SBF1: variants seen among roughly 807,000 people sequenced by gnomAD.
SBF1 encodes SET binding factor 1, also known as myotubularin-related protein 5.
Under a neutral mutation model 215.8 loss-of-function variants are expected in SBF1, and 65 were observed. The observed-to-expected ratio is 0.30, with a 90% confidence interval of 0.25 to 0.37. The LOEUF is 0.37. SBF1 is among the 10% of genes least tolerant of loss of function. The probability of loss-of-function intolerance (pLI) is 1.00; values close to 1 mark genes in which losing one functional copy is unlikely to be tolerated. For missense variants in SBF1, 2,634 were observed against 2,667.8 expected (o/e 0.99, Z 0.28); for synonymous variants, 1,410 against 1,122.8 (o/e 1.26, Z -5.11).
chr22:50,454,210 C>A (rs1459150932), intron 36 of SBF1, among the ~76,000 whole-genome samples: 3 of 152,204 alleles, frequency 2.0e-5, no homozygotes, highest in Non-Finnish European at 2.9e-5. Context: ...CTGCTCAAAG[C>A]CAGGTCAGGG....
At chr22:50,474,646 C>T (rs2068111754) in intron 1 of SBF1, 140 bp downstream of exon 1, 3 of 581,486 alleles carry the variant, frequency 5.2e-6, no homozygotes, top group African/African-American at 2.1e-5. Context: ...CCTCAGCGCC[C>T]GGCCCTCAGT....
rs2067843000 is a variant in SBF1, at chr22:50,467,897, C to T, written c.168G>A (p.Leu56=). ...ELFCQPSGWQ[L]CPERNPPTFF... ...AGGTCGGTGGATTCCTCTCGGGACA[C>T]AGCTGCCACCCGCTGGGCTGGCAAA... The change falls in exon 3 of 41, where the codon CTG becomes CTA. Residue 56 remains leucine (L), a synonymous_variant. Coordinates refer to ENST00000380817, the MANE Select transcript of SBF1 (RefSeq NM_002972.4). 6.2e-7 allele frequency: 1 copy of T among 1,614,002 alleles called. No homozygotes were observed. Among genetic ancestry groups the T allele is most frequent in the African/African-American group, 1.3e-5 (1 of 75,044 alleles).
At position 50,454,852 on chromosome 22, in the gene SBF1, C is replaced by T. The variant is rs1020594214; in HGVS notation, c.4774G>A (p.Val1592Met). The T allele has an allele frequency of 7.4e-6, 12 of 1,614,070 alleles. No individual in the cohort carries two copies. The highest frequency in any genetic ancestry group is 1.0e-5 in the Non-Finnish European group (12 of 1,179,998). The change falls in exon 35 of 41, where the codon GTG becomes ATG. Residue 1592 changes from valine to methionine, a missense_variant. By Grantham distance (21) the Val-to-Met change is conservative. Transcript: ENST00000380817. ...GGCGCATACATGTAATTGTGGAACA[C>T]AGGCGTCCTCTTGCTCAGCCGGTCC... is the stretch of plus-strand genomic sequence containing the variant. ...YVDRLSKRTP[V>M]FHNYMYAPED... is the part of the protein sequence containing the mutation.
At chr22:50,458,300 G>T (rs1399913292) in intron 28 of SBF1, among the ~76,000 whole-genome samples, 1 of 96,568 alleles carries the variant, frequency 1.0e-5, no homozygotes, top group African/African-American at 3.7e-5. Context: ...GAAAGACTCC[G>T]ACTCAAAAAA....
At position 50,454,948 on chromosome 22, in the gene SBF1, C is replaced by A; in HGVS notation, c.4682-4G>T. On this transcript the variant is annotated splice_region_variant and splice_polypyrimidine_tract_variant and intron_variant, in intron 34 of 40. Coordinates refer to ENST00000380817, the MANE Select transcript of SBF1 (RefSeq NM_002972.4). ...CCCTTCTCCTCATACAGCAGCCCTG[C>A]ACAGAAGCAGCACTGAGCCTGGGCC... 1 of 1,614,032 alleles carries A rather than the reference C, an allele frequency of 6.2e-7. No individual in the cohort carries two copies. The highest frequency in any genetic ancestry group is 8.5e-7 in the Non-Finnish European group (1 of 1,180,022).
At chr22:50,469,635 C>T (rs2067923690) in intron 1 of SBF1, among the ~76,000 whole-genome samples, 1 of 152,306 alleles carries the variant, frequency 6.6e-6, no homozygotes, top group East Asian at 1.9e-4. Flanking sequence ...GTCCCCAGGG[C>T]CCATCCTCTG....
At chr22:50,453,469 A>G (rs1050600058) in intron 36 of SBF1, among the ~76,000 whole-genome samples, 47 of 152,320 alleles carry the variant, frequency 3.1e-4, no homozygotes, top group African/African-American at 9.9e-4. Flanking sequence ...CACTTTCTGC[A>G]CAAGGAACCA....
chr22:50,468,052 C>G, intron 2 of SBF1, 129 bp from the exon 3 acceptor site: 1 of 1,212,030 alleles, frequency 8.3e-7, no homozygotes, highest in South Asian at 1.5e-5. Context: ...GCTTGGAGAC[C>G]CTGGGGACAC....
At position 50,445,254 on chromosome 22, in the gene SBF1, C is replaced by CAAAT. The variant is rs1349483270; in HGVS notation, c.*1884_*1887dup. On this transcript the variant is annotated 3_prime_UTR_variant, in exon 41 of 41. Transcript: ENST00000380817. Reference sequence around the variant, plus strand: ...ACGGCATCAGGTCTCTACAGCTTAGCAAATACTGACATTTTTCCGTTTGGG... The same window carrying CAAAT: ...ACGGCATCAGGTCTCTACAGCTTAGCAAATAAATACTGACATTTTTCCGTTTGGG... The CAAAT allele has an allele frequency of 6.6e-6, 1 of 152,474 alleles. No homozygotes were observed. The highest frequency in any genetic ancestry group is 1.5e-5 in the Non-Finnish European group (1 of 68,256). The allele number at this position is 152,474 out of a possible 1,614,324, so 9.4% of individuals were successfully genotyped here.
rs775479576 is a variant in SBF1 at position 50,459,687 on chromosome 22, G to A, written c.3492-21C>T. The A allele has an allele frequency of 1.5e-5, 24 of 1,581,822 alleles. No homozygotes were observed. In the Admixed American group the frequency reaches 3.0e-4, roughly 20 times the overall value. Reference sequence around the variant, plus strand: ...GGTAGCTGAGAGGAGGCAGAGGCGTGAAGGTGGCTGGCGACCCCACCCGCC... The same window carrying A: ...GGTAGCTGAGAGGAGGCAGAGGCGTAAAGGTGGCTGGCGACCCCACCCGCC... On this transcript the variant is annotated intron_variant, in intron 26 of 40. Transcript: ENST00000380817.
rs1040691856 is a variant in SBF1 at position 50,446,599 on chromosome 22, C to T, written c.*543G>A. The T allele has an allele frequency of 5.9e-5, 20 of 341,386 alleles. No individual in the cohort carries two copies. Among genetic ancestry groups the T allele is most frequent in the African/African-American group, 3.9e-4 (18 of 46,472 alleles). 21.1% of individuals were successfully genotyped at this position (341,386 alleles called of 1,614,324 possible). On this transcript the variant is annotated 3_prime_UTR_variant, in exon 41 of 41. Coordinates refer to ENST00000380817, the MANE Select transcript of SBF1 (RefSeq NM_002972.4). ...AGGCGTGGAGGGAATCAAGCAAGTC[C>T]CCAGTGAAGCCTCCTGCTCGATCCG...
intron 1 of SBF1, 104 bp downstream of exon 1, chr22:50,474,682 G>C: frequency 2.8e-6 from 2 of 710,132 alleles, no homozygotes; most frequent in Non-Finnish European, 3.9e-6. Flanking sequence ...CCAGCCCCCA[G>C]CCCTCGGCCC....
chr22:50,459,728 C>CA (rs919026139), intron 26 of SBF1, 62 bp from the exon 27 acceptor site: 1 of 1,492,892 alleles, frequency 6.7e-7, no homozygotes, highest in African/African-American at 1.4e-5. Context: ...GCTCACGCCC[C>CA]AAGCAGGGCA....
Position 50,461,595 on chromosome 22 carries a change from G to A in SBF1, c.2767C>T (p.Leu923Phe), listed in dbSNP as rs2067515267. ...AGGSAGGPAL[L>F]PAEGAVFLTT... ...AGGAAGACGGCGCCCTCAGCTGGGAGCAATGCTGGTCCCCCAGCACTGCCC... is the reference window on the plus strand; with the variant it reads ...AGGAAGACGGCGCCCTCAGCTGGGAACAATGCTGGTCCCCCAGCACTGCCC... The change falls in exon 22 of 41, where the codon CTC (leucine) becomes TTC (phenylalanine). Residue 923 changes from leucine to phenylalanine, a missense_variant. Coordinates refer to ENST00000380817, the MANE Select transcript of SBF1 (RefSeq NM_002972.4). 1.2e-6 allele frequency: 2 copies of A among 1,612,228 alleles called. No individual in the cohort carries two copies. The highest frequency in any genetic ancestry group is 1.7e-6 in the Non-Finnish European group (2 of 1,179,806).
intron 36 of SBF1, among the ~76,000 whole-genome samples, chr22:50,452,378 A>G (rs527628526): frequency 1.3e-5 from 2 of 152,234 alleles, no homozygotes; most frequent in East Asian, 1.9e-4. Flanking sequence ...AAAATAGAAG[A>G]CTTTTTCCTT....
intron 1 of SBF1, among the ~76,000 whole-genome samples, chr22:50,473,637 G>A (rs1336029150): frequency 6.6e-6 from 1 of 152,124 alleles, no homozygotes; most frequent in Non-Finnish European, 1.5e-5. Context: ...GGGGTGTCCA[G>A]CAGAAGAAAC....
chr22:50,457,024 G>C lies in SBF1; in HGVS notation c.3904+10C>G. 6 of 1,422,986 alleles carry C rather than the reference G, an allele frequency of 4.2e-6. No individual in the cohort carries two copies. Among genetic ancestry groups the C allele is most frequent in the South Asian group, 3.1e-5 (2 of 63,888 alleles). 88.1% of individuals were successfully genotyped at this position (1,422,986 alleles called of 1,614,324 possible). A position where few individuals can be genotyped will look rare whatever the true frequency, so the allele number is the denominator to read the frequency against. On this transcript the variant is annotated intron_variant, in intron 29 of 40. Coordinates refer to ENST00000380817, the MANE Select transcript of SBF1 (RefSeq NM_002972.4). The stretch of plus-strand genomic sequence containing the variant: ...AGGGGAGGCGGGCCTGCGCAGGCTC[G>C]GTACGGTACCTCGGGGTGCGGTCCG...
At chr22:50,448,673 G>GTTT (rs751184095) in intron 36 of SBF1, 23 bp from the exon 37 acceptor site, 1 of 1,560,574 alleles carries the variant, frequency 6.4e-7, no homozygotes, top group Admixed American at 1.7e-5. Flanking sequence ...TTAATGGCAA[G>GTTT]TTTATTCAAA....
intron 23 of SBF1, 51 bp downstream of exon 23, chr22:50,461,108 G>C: frequency 6.5e-7 from 1 of 1,541,682 alleles, no homozygotes; most frequent in Non-Finnish European, 8.7e-7. Flanking sequence ...CGGTTTGCAG[G>C]AGAAAGACCA....
Sources: allele counts gnomAD v4.1 joint callset (sites outside exome capture counted in the v4.1 genomes callset), GRCh38; gene constraint gnomAD v4.1.1; transcripts MANE v1.5; gene names NCBI Gene and HGNC (gene_info 2026-07-23, HGNC 2026-07-21).